The following HMGCLL1 variants were observed in gnomAD, a reference collection of about 807,000 sequenced individuals.
The protein encoded by HMGCLL1 is 3-hydroxymethyl-3-methylglutaryl-CoA lyase, cytoplasmic.
Under a neutral mutation model 39.1 loss-of-function variants are expected in HMGCLL1, and 36 were observed. The observed-to-expected ratio is 0.92, with a 90% CI of 0.71 to 1.22. The LOEUF (loss-of-function observed/expected upper bound fraction) is 1.22. Among genes scored for constraint, HMGCLL1 ranks in the 50% most tolerant of loss-of-function variants. HMGCLL1 has a pLI of 0.00. For missense variants in HMGCLL1, 451 were observed against 416.5 expected, an observed-to-expected ratio of 1.08 and a Z score of -0.72; for synonymous variants, 149 against 144.0, an observed-to-expected ratio of 1.03 and a Z score of -0.25.
At chr6:55,576,428 A>G (rs994955858) in intron 1 of HMGCLL1, among the ~76,000 whole-genome samples, 2 of 152,234 alleles carry the variant, frequency 1.3e-5, no homozygotes, top group Non-Finnish European at 2.9e-5. Context: ...CAATGAAAAG[A>G]TCATTTGAAG....
intron 3 of HMGCLL1, among the ~76,000 whole-genome samples, chr6:55,535,548 T>G (rs1768966888): frequency 6.6e-6 from 1 of 152,194 alleles, no homozygotes; most frequent in African/African-American, 2.4e-5. Flanking sequence ...TAGTGTTCTA[T>G]GCACAGAATT....
At chr6:55,604,080 T>G in the HMGCLL1 span, among the ~76,000 whole-genome samples, 1 of 152,128 alleles carries the variant, frequency 6.6e-6, no homozygotes, top group African/African-American at 2.4e-5. Context: ...AGCCAAAATT[T>G]TCCTTCCCTT....
chr6:55,629,794 C>T, the HMGCLL1 span, among the ~76,000 whole-genome samples: 4 of 152,250 alleles, frequency 2.6e-5, no homozygotes, highest in Admixed American at 1.3e-4. Context: ...AAGCCTCAAG[C>T]CTTGGCTGCT....
At chr6:55,644,121 C>T in the HMGCLL1 span, among the ~76,000 whole-genome samples, 16 of 152,142 alleles carry the variant, frequency 1.1e-4, no homozygotes, top group African/African-American at 3.9e-4. Context: ...GATGATTACT[C>T]ATTGTAGTTT....
chr6:55,634,406 T>C, the HMGCLL1 span, among the ~76,000 whole-genome samples: 1 of 152,166 alleles, frequency 6.6e-6, no homozygotes, highest in African/African-American at 2.4e-5. Flanking sequence ...CTGAGTAAGC[T>C]TTTGCTACTT....
At chr6:55,590,217 G>A in the HMGCLL1 span, among the ~76,000 whole-genome samples, 9 of 151,822 alleles carry the variant, frequency 5.9e-5, no homozygotes, top group Admixed American at 5.9e-4. Context: ...ATAGACCAAT[G>A]GAACAGAACA....
At chr6:55,599,495 A>G in the HMGCLL1 span, among the ~76,000 whole-genome samples, 1 of 152,200 alleles carries the variant, frequency 6.6e-6, no homozygotes, top group Non-Finnish European at 1.5e-5. Context: ...GATATTTTCA[A>G]CAGTCTTTCA....
chr6:55,677,225 C>T, the HMGCLL1 span, among the ~76,000 whole-genome samples: 15 of 152,018 alleles, frequency 9.9e-5, no homozygotes, highest in South Asian at 2.1e-4. Context: ...GGTGAGACTC[C>T]GACTCTACAA....
chr6:55,569,240 T>C (rs1037366013), intron 1 of HMGCLL1, among the ~76,000 whole-genome samples: 1 of 152,176 alleles, frequency 6.6e-6, no homozygotes, highest in African/African-American at 2.4e-5. Flanking sequence ...GCAGTCTTTT[T>C]TTCATGGGCA....
chr6:55,564,454 A>T (rs755717947), intron 1 of HMGCLL1, among the ~76,000 whole-genome samples: 1 of 152,024 alleles, frequency 6.6e-6, no homozygotes, highest in African/African-American at 2.4e-5. Flanking sequence ...GGTTTGTTAC[A>T]TATGTATACA....
chr6:55,487,865 C>T (rs1454771217), intron 7 of HMGCLL1, among the ~76,000 whole-genome samples: 1 of 152,044 alleles, frequency 6.6e-6, no homozygotes, highest in African/African-American at 2.4e-5. Context: ...AGAAATACTT[C>T]ACCCCAGGTT....
the HMGCLL1 span, among the ~76,000 whole-genome samples, chr6:55,593,538 G>A: frequency 6.6e-6 from 1 of 152,096 alleles, no homozygotes; most frequent in Non-Finnish European, 1.5e-5. Flanking sequence ...TAATTTATAA[G>A]GCTTTCATCT....
At chr6:55,661,094 C>T in the HMGCLL1 span, among the ~76,000 whole-genome samples, 1 of 151,882 alleles carries the variant, frequency 6.6e-6, no homozygotes, top group African/African-American at 2.4e-5. Flanking sequence ...TGTTTAAGTT[C>T]CCTATAAATG....
At chr6:55,518,748 C>T (rs1767881753) in intron 3 of HMGCLL1, among the ~76,000 whole-genome samples, 1 of 152,048 alleles carries the variant, frequency 6.6e-6, no homozygotes, top group Admixed American at 6.6e-5. Context: ...TCAGTGTCAC[C>T]CCCTAAATTT....
At chr6:55,456,481 G>A (rs1218544837) in intron 7 of HMGCLL1, among the ~76,000 whole-genome samples, 1 of 152,102 alleles carries the variant, frequency 6.6e-6, no homozygotes, top group African/African-American at 2.4e-5. Flanking sequence ...TAATGTCCAA[G>A]GAAGAAAAAG....
chr6:55,466,597 T>C (rs112050105), intron 7 of HMGCLL1, among the ~76,000 whole-genome samples: 1,943 of 152,158 alleles, frequency 0.013, 26 homozygotes, highest in Middle Eastern at 0.065. Context: ...ACTCAGCTGT[T>C]TCTTCCCTCT....
the HMGCLL1 span, among the ~76,000 whole-genome samples, chr6:55,598,443 G>A: frequency 1.3e-5 from 2 of 152,072 alleles, no homozygotes; most frequent in African/African-American, 2.4e-5. Context: ...CACAGACTGC[G>A]TTGTACTCCA....
chr6:55,662,894 A>C, the HMGCLL1 span, among the ~76,000 whole-genome samples: 1 of 151,768 alleles, frequency 6.6e-6, no homozygotes, highest in African/African-American at 2.4e-5. Context: ...TCAGGTAATC[A>C]ATTTTTTTCT....
At chr6:55,665,992 A>G in the HMGCLL1 span, among the ~76,000 whole-genome samples, 1 of 151,748 alleles carries the variant, frequency 6.6e-6, no homozygotes, top group East Asian at 1.9e-4. Flanking sequence ...CAATAACCAT[A>G]TGAGAAACTA....
Sources: gnomAD v4.1 joint callset for allele counts (sites outside exome capture counted in the v4.1 genomes callset) on GRCh38, gnomAD v4.1.1 for gene constraint, MANE v1.5 for transcripts, NCBI Gene and HGNC (gene_info 2026-07-23, HGNC 2026-07-21) for gene names.